The following TMEM164 variants were observed in gnomAD, a reference collection of about 807,000 sequenced individuals.
The protein encoded by TMEM164 is transmembrane protein 164.
TMEM164 carries 4 observed loss-of-function variants against 18.8 expected under a neutral mutation model. The observed-to-expected ratio is 0.21, with a 90% CI of 0.10 to 0.49. TMEM164 has a LOEUF of 0.49. Ranked by LOEUF, TMEM164 falls within the 20% of genes least tolerant of loss-of-function variation. The probability of loss-of-function intolerance (pLI) is 0.98; values close to 1 mark genes in which losing one functional copy is unlikely to be tolerated. For synonymous variants in TMEM164, 86 were observed against 101.7 expected, an observed-to-expected ratio of 0.85 and a Z score of 0.93; for missense variants, 108 against 239.9, an observed-to-expected ratio of 0.45 and a Z score of 3.63.
Position 110,067,217 on chromosome X carries a change from C to G in TMEM164, c.391-130C>G, listed in dbSNP as rs2065515135. ...GCAAGCACAAACATGTACCTGTTGC[C>G]TTTAAAAATTTTTATATTACATTAT... On this transcript the variant is annotated intron_variant, in intron 2 of 6. Transcript: ENST00000372068. The G allele has an allele frequency of 9.5e-6, 6 of 633,541 alleles. No homozygotes were observed. In the South Asian group the frequency reaches 1.3e-4, roughly 13 times the overall value. The allele number at this position is 633,541 out of a possible 1,213,427, so 52.2% of individuals were successfully genotyped here.
chrX:110,020,567 G>C (rs1267325306), intron 2 of TMEM164: 11 of 752,683 alleles, frequency 1.5e-5, no homozygotes, highest in Non-Finnish European at 1.7e-5. Context: ...CCAGGAAGTG[G>C]AATGAGATCC....
At chrX:110,172,372 G>A (rs193152436) in intron 6 of TMEM164, among the ~76,000 whole-genome samples, 1 of 112,207 alleles carries the variant, frequency 8.9e-6, no homozygotes, top group African/African-American at 3.2e-5. Context: ...TGTAGCATTA[G>A]CCATGTGGAG....
intron 5 of TMEM164, among the ~76,000 whole-genome samples, chrX:110,158,894 C>T (rs1484751252): frequency 1.8e-5 from 2 of 112,290 alleles, no homozygotes; most frequent in East Asian, 5.5e-4. Flanking sequence ...TTACCTTCTC[C>T]AAGCTTCAGT....
intron 4 of TMEM164, among the ~76,000 whole-genome samples, chrX:110,139,058 G>A (rs2066731457): frequency 8.9e-6 from 1 of 112,681 alleles, no homozygotes; most frequent in South Asian, 3.6e-4. Flanking sequence ...AAGTATAAAG[G>A]AAAGCAGAGA....
At chrX:110,008,442 C>T (rs1387592268) in intron 2 of TMEM164, among the ~76,000 whole-genome samples, 2 of 111,707 alleles carry the variant, frequency 1.8e-5, no homozygotes, top group Non-Finnish European at 3.8e-5. Flanking sequence ...AATAAGGGAT[C>T]CAGCCATCTG....
chrX:110,096,946 C>A (rs917596952), intron 3 of TMEM164, among the ~76,000 whole-genome samples: 1 of 111,730 alleles, frequency 9.0e-6, no homozygotes, highest in Non-Finnish European at 1.9e-5. Flanking sequence ...ACTCTTAGAT[C>A]CAGGGGTTTA....
In TMEM164 at chrX:110,024,130, G is replaced by A. The variant is rs753337519; in HGVS notation, c.390+19966G>A. Among the ~76,000 whole-genome samples, 14 of 112,772 alleles carry A rather than the reference G, an allele frequency of 1.2e-4. 1 individual carries two copies. In the South Asian group the frequency reaches 3.3e-3, roughly 27 times the overall value. The stretch of plus-strand genomic sequence containing the variant: ...GACACAATGCATTAGAAACACAAAT[G>A]TGGAGAGAATACATAGTTCATCACG... On this transcript the variant is annotated intron_variant, in intron 2 of 6. Transcript: ENST00000372068.
At chrX:110,179,003 A>C (rs922493454), downstream of TMEM164, among the ~76,000 whole-genome samples, 2 of 111,475 alleles carry the variant, frequency 1.8e-5, no homozygotes, top group African/African-American at 6.5e-5. Context: ...AAGTGGAAAG[A>C]GAGCCGGGCA....
In TMEM164 at chrX:110,109,113, G is replaced by A; in HGVS notation, c.474G>A (p.Leu158=). ...LQMHMLNGAL[L]ALLFPVVNTR... is the part of the protein sequence containing the mutation. ...TGCACATGTTGAATGGAGCTCTTCT[G>A]GCATTGCTGTTTCCTGTGGTAAACA... is the stretch of plus-strand genomic sequence containing the variant. The change falls in exon 4 of 7, where the codon CTG becomes CTA. Residue 158 remains leucine (L), a synonymous_variant. Transcript: ENST00000372068. 2 of 1,211,352 alleles carry A rather than the reference G, an allele frequency of 1.7e-6. No homozygotes were observed. The highest frequency in any genetic ancestry group is 2.2e-6 in the Non-Finnish European group (2 of 895,206).
rs1364280018 is a variant in TMEM164 at position 110,177,686 on chromosome X, G to A, written c.*4235G>A. The stretch of plus-strand genomic sequence containing the variant: ...CTTAGCATTCTGAATTTTAGTCTCA[G>A]GTGTTTCTGTTGTTGAAGATCCTTG... On this transcript the variant is annotated 3_prime_UTR_variant, in exon 7 of 7. Coordinates refer to ENST00000372068, the MANE Select transcript of TMEM164 (RefSeq NM_032227.4). 3 of 112,529 alleles carry A rather than the reference G, an allele frequency of 2.7e-5. No homozygotes were observed. Among genetic ancestry groups the A allele is most frequent in the African/African-American group, 9.7e-5 (3 of 30,926 alleles). 9.3% of individuals were successfully genotyped at this position (112,529 alleles called of 1,213,427 possible). A position where few individuals can be genotyped will look rare whatever the true frequency, so the allele number is the denominator to read the frequency against.
intron 3 of TMEM164, among the ~76,000 whole-genome samples, chrX:110,107,156 T>G: frequency 8.9e-6 from 1 of 111,921 alleles, no homozygotes; most frequent in South Asian, 3.7e-4. Flanking sequence ...CATTCTAACC[T>G]TCCACCTGAG....
At chrX:110,065,365 T>C (rs959156932) in intron 2 of TMEM164, 2 of 111,790 alleles carry the variant, frequency 1.8e-5, no homozygotes, top group African/African-American at 6.5e-5. Context: ...TCAGGAAGGC[T>C]GCTGGCATGA....
chrX:110,039,675 C>T (rs1303883176), intron 2 of TMEM164, among the ~76,000 whole-genome samples: 1 of 112,334 alleles, frequency 8.9e-6, no homozygotes, highest in Non-Finnish European at 1.9e-5. Context: ...ACTTAAGCAT[C>T]ATGTTCCCCC....
Position 110,087,756 on chromosome X carries a change from A to T in TMEM164, c.440+20360A>T, listed in dbSNP as rs547286192. On this transcript the variant is annotated intron_variant, in intron 3 of 6. Coordinates refer to ENST00000372068, the MANE Select transcript of TMEM164 (RefSeq NM_032227.4). ...CAGTACCCCTCTGCTCCCCACTGAA[A>T]CCCTAAAGTTGTTCATCTTCATGTG... Among the ~76,000 whole-genome samples, 50 of 111,376 alleles carry T rather than the reference A, an allele frequency of 4.5e-4. 1 individual carries two copies. The South Asian group carries it at 0.018, about 41-fold the overall frequency.
intron 5 of TMEM164, among the ~76,000 whole-genome samples, chrX:110,160,566 AG>A (rs886572178): frequency 6.3e-5 from 7 of 111,945 alleles, no homozygotes; most frequent in African/African-American, 2.3e-4. Flanking sequence ...CACTGTTCTG[AG>A]AAGGAGTCCT....
At chrX:110,002,786 C>G (rs1430870423), upstream of TMEM164, 2 of 105,440 alleles carry the variant, frequency 1.9e-5, no homozygotes, top group East Asian at 6.2e-4. Context: ...AGTGAAGCCC[C>G]GAGGGGCGCG....
intron 4 of TMEM164, among the ~76,000 whole-genome samples, chrX:110,138,435 T>C (rs2066721567): frequency 8.9e-6 from 1 of 111,889 alleles, no homozygotes; most frequent in African/African-American, 3.3e-5. Context: ...TTGGGAGTCA[T>C]CAGTATACAG....
intron 4 of TMEM164, among the ~76,000 whole-genome samples, chrX:110,124,172 A>AAGGCAGGC (rs1376162998): frequency 1.2e-5 from 1 of 83,966 alleles, no homozygotes; most frequent in African/African-American, 5.2e-5. Context: ...GGAAGGAAGG[A>AAGGCAGGC]AGGAAGGCAG....
downstream of TMEM164, among the ~76,000 whole-genome samples, chrX:110,179,324 C>T (rs1025781243): frequency 8.9e-6 from 1 of 111,900 alleles, no homozygotes; most frequent in African/African-American, 3.3e-5. Context: ...TTCCCTCCTG[C>T]AGGCAACAGT....
Sources: allele counts gnomAD v4.1 joint callset (sites outside exome capture counted in the v4.1 genomes callset), GRCh38; gene constraint gnomAD v4.1.1; transcripts MANE v1.5; gene names NCBI Gene and HGNC (gene_info 2026-07-23, HGNC 2026-07-21).